EFHD1: variants seen among roughly 807,000 people sequenced by gnomAD.
EFHD1 encodes EF-hand domain-containing protein D1.
In EFHD1, 10 loss-of-function variants were observed where a neutral mutation model predicts 17.2. The ratio of observed to expected loss-of-function variants is 0.58; its 90% CI spans 0.36 to 0.99. The LOEUF is 0.99. Ranked by LOEUF, EFHD1 falls within the 50% of genes least tolerant of loss-of-function variation. EFHD1 has a pLI of 0.01. For synonymous variants in EFHD1, 153 were observed against 142.0 expected, an observed-to-expected ratio of 1.08 and a Z score of -0.55; for missense variants, 310 against 327.5, an observed-to-expected ratio of 0.95 and a Z score of 0.41.
chr2:232,629,238 T>A (rs1176874082), upstream of EFHD1, among the ~76,000 whole-genome samples: 2 of 152,148 alleles, frequency 1.3e-5, no homozygotes, highest in Admixed American at 6.6e-5. Context: ...GAACAAGAAG[T>A]CTTGGAGTGA....
intron 2 of EFHD1, among the ~76,000 whole-genome samples, chr2:232,664,528 G>A (rs1026280847): frequency 6.6e-6 from 1 of 151,784 alleles, no homozygotes; most frequent in East Asian, 1.9e-4. Context: ...CAAACTCCTG[G>A]GTTCAAGCAA....
chr2:232,661,263 C>G (rs1411161879), intron 1 of EFHD1, among the ~76,000 whole-genome samples: 1 of 152,112 alleles, frequency 6.6e-6, no homozygotes, highest in Non-Finnish European at 1.5e-5. Flanking sequence ...TCGCCAGAAC[C>G]TTTTTCTCAT....
At chr2:232,607,753 CA>C (rs552152237) in intron 1 of EFHD1, among the ~76,000 whole-genome samples, 1 of 146,170 alleles carries the variant, frequency 6.8e-6, no homozygotes, top group South Asian at 2.2e-4. Flanking sequence ...GACCCTATCT[CA>C]AAAAAAAAGG....
At position 232,682,019 on chromosome 2, in the gene EFHD1, C is replaced by A; in HGVS notation, c.*300C>A. 3.2e-6 allele frequency: 1 copy of A among 317,290 alleles called. No individual in the cohort carries two copies. The highest frequency in any genetic ancestry group is 5.8e-6 in the Non-Finnish European group (1 of 172,934). The allele number at this position is 317,290 out of a possible 1,614,324, so 19.7% of individuals were successfully genotyped here. ...ACTTTGTCCTTGTCCCTTTACCATT[C>A]CCCATCAAAGAGTAGTCTGCTATAT... On this transcript the variant is annotated 3_prime_UTR_variant, in exon 4 of 4. Coordinates refer to ENST00000264059, the MANE Select transcript of EFHD1 (RefSeq NM_025202.4).
chr2:232,607,476 C>T (rs1336130164), intron 1 of EFHD1, among the ~76,000 whole-genome samples: 1 of 151,022 alleles, frequency 6.6e-6, no homozygotes, highest in Non-Finnish European at 1.5e-5. Flanking sequence ...CAACTGTTAC[C>T]CCAGATACTC....
upstream of EFHD1, chr2:232,633,230 C>G (rs1046095042): frequency 1.1e-4 from 18 of 158,048 alleles, no homozygotes; most frequent in Non-Finnish European, 2.2e-4. Flanking sequence ...CTCCCCCACC[C>G]AGCCTGTCCC....
intron 1 of EFHD1, among the ~76,000 whole-genome samples, chr2:232,653,744 A>G (rs191107205): frequency 4.4e-4 from 67 of 152,248 alleles, no homozygotes; most frequent in Non-Finnish European, 7.5e-4. Flanking sequence ...TCCCCTCCAC[A>G]TTACATGGTC....
At chr2:232,644,596 T>C (rs1409103765) in intron 1 of EFHD1, among the ~76,000 whole-genome samples, 3 of 151,908 alleles carry the variant, frequency 2.0e-5, no homozygotes, top group Non-Finnish European at 4.4e-5. Flanking sequence ...CACTGCAACC[T>C]CCGCCTCCCG....
chr2:232,679,718 A>G (rs1244063283), intron 3 of EFHD1, among the ~76,000 whole-genome samples: 9 of 77,860 alleles, frequency 1.2e-4, no homozygotes, highest in Admixed American at 5.1e-4. Flanking sequence ...AGACGTTTCT[A>G]AAAAAAAAAA....
chr2:232,678,828 G>T (rs978713246), intron 3 of EFHD1, among the ~76,000 whole-genome samples: 14 of 152,112 alleles, frequency 9.2e-5, no homozygotes, highest in African/African-American at 2.9e-4. Flanking sequence ...TCTCTTTCAC[G>T]TGGGAACTTA....
chr2:232,675,473 CTGAG>C (rs1332702356), intron 3 of EFHD1, among the ~76,000 whole-genome samples: 1 of 152,160 alleles, frequency 6.6e-6, no homozygotes, highest in Non-Finnish European at 1.5e-5. Context: ...CCCCCGACTG[CTGAG>C]TGTTAGAACC....
chr2:232,606,484 G>A (rs1053078832), intron 1 of EFHD1: 17 of 504,220 alleles, frequency 3.4e-5, no homozygotes, highest in Non-Finnish European at 5.8e-5. Context: ...GAATGAGGAA[G>A]GTTTCTTTTT....
chr2:232,655,777 C>T (rs570352916), intron 1 of EFHD1, among the ~76,000 whole-genome samples: 2 of 152,042 alleles, frequency 1.3e-5, no homozygotes, highest in African/African-American at 2.4e-5. Flanking sequence ...GTTCCTTCCA[C>T]CCCTGTCCTG....
intron 1 of EFHD1, among the ~76,000 whole-genome samples, chr2:232,627,507 C>T (rs1694128605): frequency 6.6e-6 from 1 of 152,116 alleles, no homozygotes; most frequent in Non-Finnish European, 1.5e-5. Context: ...TCTGAAAAGC[C>T]TATTAAATGA....
intron 1 of EFHD1, among the ~76,000 whole-genome samples, chr2:232,619,158 T>TATAA (rs370538870): frequency 0.02 from 2,869 of 146,056 alleles, 64 homozygotes; most frequent in African/African-American, 0.055. Context: ...CATCTCAAAA[T>TATAA]ATAAATAAAT....
intron 1 of EFHD1, among the ~76,000 whole-genome samples, chr2:232,656,770 T>C (rs1276981249): frequency 1.3e-5 from 2 of 152,084 alleles, no homozygotes; most frequent in Non-Finnish European, 2.9e-5. Context: ...TGTGGTGAGA[T>C]ATACATAATG....
chr2:232,633,847 C>T lies in EFHD1; in HGVS notation c.143C>T (p.Thr48Met). 6.7e-7 allele frequency: 1 copy of T among 1,495,726 alleles called. No individual in the cohort carries two copies. The allele number at this position is 1,495,726 out of a possible 1,614,324, so 92.7% of individuals were successfully genotyped here. The change falls in exon 1 of 4, where the codon ACG becomes ATG. Residue 48 changes from threonine (T) to methionine (M), a missense_variant. Coordinates refer to ENST00000264059, the MANE Select transcript of EFHD1 (RefSeq NM_025202.4). ...CCCGAGCCTCCCGCCCGTGCGCCCA[C>T]GGCCAGCGCCGACGCGGAGCTGAGC... is the stretch of plus-strand genomic sequence containing the variant. ...PEPEPPARAPTASADAELSAQ... is the reference protein window; with the variant it reads ...PEPEPPARAPMASADAELSAQ...
chr2:232,678,171 T>A (rs1265951808), intron 3 of EFHD1, among the ~76,000 whole-genome samples: 1 of 151,368 alleles, frequency 6.6e-6, no homozygotes, highest in Non-Finnish European at 1.5e-5. Context: ...TCATCCCAGC[T>A]ACTCGGGAGG....
chr2:232,633,983 G>A lies in EFHD1; in HGVS notation c.279G>A (p.Lys93=), dbSNP rs749879281. 43 of 1,597,332 alleles carry A rather than the reference G, an allele frequency of 2.7e-5. No individual in the cohort carries two copies. In the South Asian group the frequency reaches 4.3e-4, roughly 16 times the overall value. The change falls in exon 1 of 4, where the codon AAG becomes AAA. Residue 93 remains lysine (K), a synonymous_variant. Transcript: ENST00000264059. ...EFPEFSRRLI[K]DLESMFKLYD... is the part of the protein sequence containing the mutation. ...CGGAGTTCAGCCGCCGCCTCATCAAGGACCTGGAGAGCATGTTCAAACTGT... is the reference window on the plus strand; with the variant it reads ...CGGAGTTCAGCCGCCGCCTCATCAAAGACCTGGAGAGCATGTTCAAACTGT...
Sources: gnomAD v4.1 joint callset for allele counts (sites outside exome capture counted in the v4.1 genomes callset) on GRCh38, gnomAD v4.1.1 for gene constraint, MANE v1.5 for transcripts, NCBI Gene and HGNC (gene_info 2026-07-23, HGNC 2026-07-21) for gene names.